Variants in PAIP2 observed in about 807,000 individuals in gnomAD.
PAIP2 encodes the protein poly(A) binding protein interacting protein 2.
In PAIP2, 7 loss-of-function variants were observed where a neutral mutation model predicts 14.8. The ratio of observed to expected loss-of-function variants is 0.47; its 90% confidence interval spans 0.27 to 0.89. The LOEUF (loss-of-function observed/expected upper bound fraction) is 0.89, where lower values mean the gene tolerates loss of function less well. PAIP2 is among the 40% of genes least tolerant of loss of function. The pLI, the probability that PAIP2 is intolerant of heterozygous loss-of-function variation, is 0.13. For missense variants in PAIP2, 122 were observed against 154.7 expected (o/e 0.79, Z 1.12); for synonymous variants, 47 against 45.3 (o/e 1.04, Z -0.15).
chr5:139,351,592 G>A (rs1041817404), intron 1 of PAIP2, among the ~76,000 whole-genome samples: 5 of 152,236 alleles, frequency 3.3e-5, no homozygotes, highest in East Asian at 1.9e-4. Context: ...TGATAGGATC[G>A]GAGAGGGAAA....
At chr5:139,348,115 T>C (rs1756610872) in intron 1 of PAIP2, among the ~76,000 whole-genome samples, 1 of 147,824 alleles carries the variant, frequency 6.8e-6, no homozygotes. Flanking sequence ...AGCTGCACTT[T>C]AGCCTGGGCA....
chr5:139,349,347 C>T (rs372015146), intron 1 of PAIP2, among the ~76,000 whole-genome samples: 1 of 152,132 alleles, frequency 6.6e-6, no homozygotes, highest in Non-Finnish European at 1.5e-5. Context: ...CTCCTGAGTT[C>T]AAGCAATTCT....
rs554465690 is a variant in PAIP2 at position 139,356,129 on chromosome 5, C to A, written c.-26-7630C>A. The stretch of plus-strand genomic sequence containing the variant: ...CTCCAGCCTGGGTGACAGAGCAAAA[C>A]TCTGTCTCAAAAACGATACGTTAAA... On this transcript the variant is annotated intron_variant, in intron 1 of 3. Coordinates refer to ENST00000265192, the MANE Select transcript of PAIP2 (RefSeq NM_016480.5). Among the ~76,000 whole-genome samples the A allele has an allele frequency of 7.0e-5, 10 of 142,854 alleles. No homozygotes were observed. In the South Asian group the frequency reaches 2.2e-3, roughly 32 times the overall value. 93.7% of individuals were successfully genotyped at this position (142,854 alleles called of 152,430 possible).
chr5:139,352,494 T>TTTG (rs1380834623), intron 1 of PAIP2, among the ~76,000 whole-genome samples: 3 of 93,570 alleles, frequency 3.2e-5, no homozygotes, highest in Non-Finnish European at 9.4e-5. Flanking sequence ...GCCAGTTTTT[T>TTTG]TTTTGTTGTT....
At chr5:139,355,495 ATT>A (rs1756881735) in intron 1 of PAIP2, among the ~76,000 whole-genome samples, 1 of 152,004 alleles carries the variant, frequency 6.6e-6, no homozygotes, top group South Asian at 2.1e-4. Context: ...GATATTCTCT[ATT>A]TGGTGAGACA....
chr5:139,368,976 C>CA lies in PAIP2; in HGVS notation c.*181dup. 1 of 496,142 alleles carries CA rather than the reference C, an allele frequency of 2.0e-6. No individual in the cohort carries two copies. The highest frequency in any genetic ancestry group is 3.6e-6 in the Non-Finnish European group (1 of 274,650). 30.7% of individuals were successfully genotyped at this position (496,142 alleles called of 1,614,324 possible). On this transcript the variant is annotated 3_prime_UTR_variant, in exon 4 of 4. Coordinates refer to ENST00000265192, the MANE Select transcript of PAIP2 (RefSeq NM_016480.5). The stretch of plus-strand genomic sequence containing the variant: ...AGACTGTTACTAAGTAAAAAGCTGT[C>CA]AAACATTTACTGAAAATAGAATTGG...
intron 1 of PAIP2, among the ~76,000 whole-genome samples, chr5:139,350,952 T>C (rs551393808): frequency 1.6e-4 from 25 of 152,254 alleles, no homozygotes; most frequent in African/African-American, 6.0e-4. Flanking sequence ...ATCCTTCACA[T>C]ATTCAAATGT....
At chr5:139,366,105 A>G (rs1757233850) in intron 3 of PAIP2, among the ~76,000 whole-genome samples, 1 of 151,292 alleles carries the variant, frequency 6.6e-6, no homozygotes, top group African/African-American at 2.4e-5. Flanking sequence ...TGGGAGGCTA[A>G]GGCAGGAGAA....
chr5:139,361,189 C>T (rs1393787352), intron 1 of PAIP2, among the ~76,000 whole-genome samples: 1 of 151,898 alleles, frequency 6.6e-6, no homozygotes, highest in African/African-American at 2.4e-5. Flanking sequence ...ATCCTGTTGT[C>T]ATTAGTATCT....
At chr5:139,359,937 C>T (rs957831875) in intron 1 of PAIP2, among the ~76,000 whole-genome samples, 3 of 151,760 alleles carry the variant, frequency 2.0e-5, no homozygotes, top group African/African-American at 4.8e-5. Flanking sequence ...CACCACTGTA[C>T]TCTCCGTCTC....
At chr5:139,359,968 CTTCTT>C (rs1356216444) in intron 1 of PAIP2, among the ~76,000 whole-genome samples, 2 of 150,744 alleles carry the variant, frequency 1.3e-5, no homozygotes, top group Non-Finnish European at 2.9e-5. Flanking sequence ...GGGTAATTTT[CTTCTT>C]TTCTTTTTTT....
intron 3 of PAIP2, among the ~76,000 whole-genome samples, chr5:139,368,241 GAGAC>G (rs1757410285): frequency 1.3e-5 from 2 of 152,240 alleles, no homozygotes; most frequent in Non-Finnish European, 2.9e-5. Context: ...AGGAGGATGA[GAGAC>G]AGGAGAATGG....
At chr5:139,363,231 ACT>A (rs1757123850) in intron 1 of PAIP2, among the ~76,000 whole-genome samples, 2 of 151,606 alleles carry the variant, frequency 1.3e-5, no homozygotes, top group Admixed American at 1.3e-4. Flanking sequence ...ACAGAGTGAA[ACT>A]CTATCTCAAA....
chr5:139,348,655 C>T (rs1756631992), intron 1 of PAIP2, among the ~76,000 whole-genome samples: 1 of 151,582 alleles, frequency 6.6e-6, no homozygotes, highest in Non-Finnish European at 1.5e-5. Flanking sequence ...CTGTGCCTGG[C>T]CACGCCCAGC....
At chr5:139,366,424 A>G (rs78342179) in intron 3 of PAIP2, among the ~76,000 whole-genome samples, 6 of 152,302 alleles carry the variant, frequency 3.9e-5, no homozygotes, top group Non-Finnish European at 7.4e-5. Context: ...TATACAGCCA[A>G]CTTGCCTGAG....
At chr5:139,368,247 G>A (rs986519856) in intron 3 of PAIP2, among the ~76,000 whole-genome samples, 2 of 152,112 alleles carry the variant, frequency 1.3e-5, no homozygotes, top group African/African-American at 4.8e-5. Flanking sequence ...ATGAGAGACA[G>A]GAGAATGGTG....
intron 1 of PAIP2, among the ~76,000 whole-genome samples, chr5:139,356,679 TTCG>T: frequency 6.6e-6 from 1 of 151,710 alleles, no homozygotes; most frequent in African/African-American, 2.4e-5. Flanking sequence ...ATGTCAGGAG[TTCG>T]AGACCAGCCT....
At position 139,347,304 on chromosome 5, in the gene PAIP2, C is replaced by T. The variant is rs896724732; in HGVS notation, c.-27+5324C>T. On this transcript the variant is annotated intron_variant, in intron 1 of 3. Transcript: ENST00000265192. ...TTTTTTTTTTTTTAAGACACAGTTCCGCTCTGTCGCCCAGGCTGGAGTGCA... is the reference window on the plus strand; with the variant it reads ...TTTTTTTTTTTTTAAGACACAGTTCTGCTCTGTCGCCCAGGCTGGAGTGCA... Among the ~76,000 whole-genome samples the T allele has an allele frequency of 5.6e-5, 8 of 141,784 alleles. No individual in the cohort carries two copies. In the East Asian group the frequency reaches 6.1e-4, roughly 11 times the overall value. The allele number at this position is 141,784 out of a possible 152,430, so 93.0% of individuals were successfully genotyped here.
In PAIP2 at chr5:139,363,934, G is replaced by A; in HGVS notation, c.138+12G>A. The A allele has an allele frequency of 1.2e-6, 2 of 1,611,226 alleles. No homozygotes were observed. The highest frequency in any genetic ancestry group is 1.7e-6 in the Non-Finnish European group (2 of 1,177,762). On this transcript the variant is annotated intron_variant, in intron 2 of 3. Coordinates refer to ENST00000265192, the MANE Select transcript of PAIP2 (RefSeq NM_016480.5). ...AATTCAACAGACAAGTTAGTTTTTT[G>A]TACAAACATGTTTTTATAGTCCATT...
Sources: allele counts gnomAD v4.1 joint callset (sites outside exome capture counted in the v4.1 genomes callset), GRCh38; gene constraint gnomAD v4.1.1; transcripts MANE v1.5; gene names NCBI Gene and HGNC (gene_info 2026-07-23, HGNC 2026-07-21).